PPP6R3: variants seen among roughly 807,000 people sequenced by gnomAD.
PPP6R3 encodes protein phosphatase 6 regulatory subunit 3, also known as serine/threonine-protein phosphatase 6 regulatory subunit 3.
In PPP6R3, 38 loss-of-function variants were observed where a neutral mutation model predicts 110.7. That is an observed-to-expected ratio of 0.34 (90% CI 0.26 to 0.45). The LOEUF (loss-of-function observed/expected upper bound fraction) is 0.45, where lower values mean the gene tolerates loss of function less well. PPP6R3 is among the 20% of genes least tolerant of loss of function. PPP6R3 has a pLI of 1.00. For synonymous variants in PPP6R3, 369 were observed against 373.5 expected, an observed-to-expected ratio of 0.99 and a Z score of 0.14; for missense variants, 870 against 1,062.4, an observed-to-expected ratio of 0.82 and a Z score of 2.52.
chr11:68,501,574 G>C (rs1366213596), intron 1 of PPP6R3, among the ~76,000 whole-genome samples: 1 of 152,188 alleles, frequency 6.6e-6, no homozygotes, highest in Non-Finnish European at 1.5e-5. Flanking sequence ...TGATCTGCCC[G>C]CCTTGGCCTC....
In PPP6R3 at chr11:68,558,660, C is replaced by T. The variant is rs2099408128; in HGVS notation, c.826C>T (p.Leu276Phe). The T allele has an allele frequency of 1.9e-6, 3 of 1,610,428 alleles. No individual in the cohort carries two copies. Among genetic ancestry groups the T allele is most frequent in the Non-Finnish European group, 2.5e-6 (3 of 1,178,108 alleles). The change falls in exon 8 of 24, where the codon CTT becomes TTT. Residue 276 changes from leucine (L) to phenylalanine (F), a missense_variant. Leu to Phe is a conservative substitution (Grantham distance 22). Transcript: ENST00000393800. ...VSAIQILLTLLETRRPTFEGH... is the reference protein window; with the variant it reads ...VSAIQILLTLFETRRPTFEGH... ...TGCAATCCAGATATTGCTGACTTTA[C>T]TTGAGACACGACGACCAACGTAAGC...
At chr11:68,465,033 C>G (rs967938544) in intron 1 of PPP6R3, among the ~76,000 whole-genome samples, 1 of 152,088 alleles carries the variant, frequency 6.6e-6, no homozygotes, top group Non-Finnish European at 1.5e-5. Context: ...AGGTGCGTGC[C>G]ACCACACCTG....
intron 1 of PPP6R3, among the ~76,000 whole-genome samples, chr11:68,479,277 G>T (rs1429922389): frequency 6.6e-6 from 1 of 152,162 alleles, no homozygotes; most frequent in African/African-American, 2.4e-5. Context: ...GCAGATGCAG[G>T]GGGCTGGGAG....
At chr11:68,588,714 G>A (rs1331411005) in intron 16 of PPP6R3, among the ~76,000 whole-genome samples, 2 of 150,524 alleles carry the variant, frequency 1.3e-5, no homozygotes, top group Non-Finnish European at 3.0e-5. Flanking sequence ...CATAGTGCTG[G>A]GATTACAGGC....
At chr11:68,519,123 T>C (rs568435143) in intron 1 of PPP6R3, among the ~76,000 whole-genome samples, 1 of 152,344 alleles carries the variant, frequency 6.6e-6, no homozygotes, top group East Asian at 1.9e-4. Context: ...AAGGAAATTG[T>C]AAAATTTTAG....
At chr11:68,530,857 AG>A (rs1221980216) in intron 2 of PPP6R3, among the ~76,000 whole-genome samples, 2 of 152,236 alleles carry the variant, frequency 1.3e-5, no homozygotes, top group African/African-American at 4.8e-5. Flanking sequence ...ATTTAAGCAT[AG>A]TGAGTTCATA....
At chr11:68,541,829 A>AG (rs1200506223) in intron 3 of PPP6R3, among the ~76,000 whole-genome samples, 2 of 151,970 alleles carry the variant, frequency 1.3e-5, no homozygotes, top group Non-Finnish European at 2.9e-5. Flanking sequence ...TTCAGGAAGG[A>AG]GGGGGGACAG....
At chr11:68,484,477 A>G (rs966732075) in intron 1 of PPP6R3, among the ~76,000 whole-genome samples, 2 of 151,944 alleles carry the variant, frequency 1.3e-5, no homozygotes, top group South Asian at 2.1e-4. Context: ...CATGTTTTCA[A>G]ATGCTTACTT....
At position 68,575,648 on chromosome 11, in the gene PPP6R3, A is replaced by C. The variant is rs147349235; in HGVS notation, c.1460-310A>C. On this transcript the variant is annotated intron_variant, in intron 13 of 23. Transcript: ENST00000393800. ...AACACACTTTCCAGGTTAAGCTTCT[A>C]CCAGAGCATTTTCAGAAACTTGTTA... Among the ~76,000 whole-genome samples, 515 of 152,322 alleles carry C rather than the reference A, an allele frequency of 3.4e-3. 2 individuals are homozygous for C. Among genetic ancestry groups the C allele is most frequent in the African/African-American group, 0.011 (473 of 41,564 alleles).
chr11:68,499,332 T>C (rs1027943365), intron 1 of PPP6R3, among the ~76,000 whole-genome samples: 3 of 152,174 alleles, frequency 2.0e-5, no homozygotes, highest in African/African-American at 7.2e-5. Context: ...CTCATTTACA[T>C]GCCTGGCAAG....
At chr11:68,590,934 C>G (rs1268799469) in intron 17 of PPP6R3, among the ~76,000 whole-genome samples, 3 of 152,130 alleles carry the variant, frequency 2.0e-5, no homozygotes, top group Non-Finnish European at 4.4e-5. Context: ...AGACCAGGGT[C>G]ACTTGTGATT....
chr11:68,574,405 A>G (rs3824850), intron 13 of PPP6R3, among the ~76,000 whole-genome samples, 181 bp downstream of exon 13: 35,024 of 152,096 alleles, frequency 0.23, 4,277 homozygotes, highest in Middle Eastern at 0.32. Flanking sequence ...TTTTGGTTGT[A>G]TTTATGTTCA....
chr11:68,584,901 C>A (rs1445241120), intron 15 of PPP6R3, among the ~76,000 whole-genome samples: 1 of 152,204 alleles, frequency 6.6e-6, no homozygotes, highest in African/African-American at 2.4e-5. Flanking sequence ...AATAAATACA[C>A]TCCAAAGCAC....
chr11:68,562,670 G>A (rs557541005), intron 8 of PPP6R3, among the ~76,000 whole-genome samples: 104 of 152,272 alleles, frequency 6.8e-4, no homozygotes, highest in African/African-American at 2.4e-3. Context: ...AAAGGACAGC[G>A]TTTTCAGTAA....
At chr11:68,561,927 A>AT (rs905119508) in intron 8 of PPP6R3, among the ~76,000 whole-genome samples, 11 of 151,834 alleles carry the variant, frequency 7.2e-5, no homozygotes, top group African/African-American at 9.7e-5. Flanking sequence ...GTCCAGCCAA[A>AT]TTTTTTTTAT....
At chr11:68,569,356 T>C (rs2099493403) in intron 10 of PPP6R3, among the ~76,000 whole-genome samples, 1 of 152,208 alleles carries the variant, frequency 6.6e-6, no homozygotes, top group African/African-American at 2.4e-5. Context: ...GAACCCTATA[T>C]ATACTATGTG....
intron 19 of PPP6R3, among the ~76,000 whole-genome samples, chr11:68,599,441 C>A (rs562585851): frequency 1.3e-5 from 2 of 152,186 alleles, no homozygotes; most frequent in Admixed American, 1.3e-4. Context: ...TAAGTGTGCT[C>A]AAGCAAGTCC....
intron 2 of PPP6R3, among the ~76,000 whole-genome samples, chr11:68,523,045 G>A (rs2099171502): frequency 6.6e-6 from 1 of 152,046 alleles, no homozygotes; most frequent in Non-Finnish European, 1.5e-5. Context: ...TAATCTACTT[G>A]GCTTCTAATT....
chr11:68,489,883 A>G (rs755528255), intron 1 of PPP6R3, among the ~76,000 whole-genome samples: 5 of 152,178 alleles, frequency 3.3e-5, no homozygotes, highest in Admixed American at 2.6e-4. Context: ...AGTAATAACA[A>G]ATATTTCTGA....
Sources: gnomAD v4.1 joint callset for allele counts (sites outside exome capture counted in the v4.1 genomes callset) on GRCh38, gnomAD v4.1.1 for gene constraint, MANE v1.5 for transcripts, NCBI Gene and HGNC (gene_info 2026-07-23, HGNC 2026-07-21) for gene names.